The following GUCY2F variants were observed in gnomAD, a reference collection of about 807,000 sequenced individuals.
GUCY2F encodes the protein guanylate cyclase 2F, retinal.
A neutral mutation model predicts 73.1 loss-of-function variants in GUCY2F; 61 were observed. The observed-to-expected ratio is 0.83, with a 90% CI of 0.68 to 1.03. The LOEUF (loss-of-function observed/expected upper bound fraction) is 1.03, where lower values mean the gene tolerates loss of function less well. Ranked by LOEUF, GUCY2F falls within the 50% of genes least tolerant of loss-of-function variation. The pLI is 0.00. For synonymous variants in GUCY2F, 331 were observed against 307.8 expected (o/e 1.08, Z -0.79); for missense variants, 912 against 854.3 (o/e 1.07, Z -0.84).
At chrX:109,392,220 A>C (rs188575605) in intron 13 of GUCY2F, 117 bp from the exon 14 acceptor site, 177 of 509,147 alleles carry the variant, frequency 3.5e-4, no homozygotes, top group Non-Finnish European at 5.5e-4. Flanking sequence ...ATGATGAGGA[A>C]GAAAGTGTTA....
At chrX:109,418,893 A>G (rs1452734262) in intron 8 of GUCY2F, among the ~76,000 whole-genome samples, 1 of 110,956 alleles carries the variant, frequency 9.0e-6, no homozygotes, top group African/African-American at 3.2e-5. Flanking sequence ...AATTATTAAT[A>G]TCTAGAATGA....
At chrX:109,388,185 T>G (rs1324511647) in intron 15 of GUCY2F, among the ~76,000 whole-genome samples, 1 of 111,469 alleles carries the variant, frequency 9.0e-6, no homozygotes, top group Non-Finnish European at 1.9e-5. Flanking sequence ...ATTAATTAAA[T>G]GAATTATCCT....
intron 15 of GUCY2F, 23 bp from the exon 16 acceptor site, chrX:109,385,305 A>T (rs376973515): frequency 4.7e-6 from 4 of 852,752 alleles, no homozygotes; most frequent in Non-Finnish European, 6.9e-6. Context: ...AGGGGGTTGG[A>T]ATTACAGTCA....
intron 8 of GUCY2F, among the ~76,000 whole-genome samples, chrX:109,420,939 T>C (rs758053686): frequency 1.8e-4 from 20 of 111,911 alleles, no homozygotes; most frequent in Admixed American, 6.6e-4. Context: ...TTTATTCTTA[T>C]GTATCTACTC....
chrX:109,465,608 C>T (rs1236099249), intron 2 of GUCY2F, among the ~76,000 whole-genome samples, 165 bp from the exon 3 acceptor site: 1 of 111,969 alleles, frequency 8.9e-6, no homozygotes, highest in Non-Finnish European at 1.9e-5. Flanking sequence ...GAGGTATGCT[C>T]ATGGACTCTG....
chrX:109,444,016 G>A (rs1206173614), intron 6 of GUCY2F, among the ~76,000 whole-genome samples: 2 of 111,635 alleles, frequency 1.8e-5, no homozygotes, highest in African/African-American at 3.3e-5. Flanking sequence ...CTTAAGGCAG[G>A]AAATTTTATA....
rs758229559 is a variant in GUCY2F, at chrX:109,404,461, T to C, written c.1992A>G (p.Arg664=). ...ACTTTAGCCTCCCATGAACAAACTC[T>C]CTGTGGTGTAAGTACTTCATGCCCT... ...LIKGMKYLHH[R]EFVHGRLKSR... The change falls in exon 10 of 20, where the codon AGA becomes AGG. Residue 664 remains arginine, a synonymous_variant. Transcript: ENST00000218006. 5.9e-6 allele frequency: 7 copies of C among 1,195,133 alleles called. No individual in the cohort carries two copies. The highest frequency in any genetic ancestry group is 2.2e-5 in the Admixed American group (1 of 45,795).
rs1445290011 is a variant in GUCY2F at position 109,420,378 on chromosome X, C to T, written c.1791+9929G>A. On this transcript the variant is annotated intron_variant, in intron 8 of 19. Coordinates refer to ENST00000218006, the MANE Select transcript of GUCY2F (RefSeq NM_001522.3). ...AAAGAAAGAGAGAGAGAGAGAAAGACAAAGAGAAAGAAAGTAGGAGGGACA... is the reference window on the plus strand; with the variant it reads ...AAAGAAAGAGAGAGAGAGAGAAAGATAAAGAGAAAGAAAGTAGGAGGGACA... Among the ~76,000 whole-genome samples the T allele has an allele frequency of 4.1e-5, 4 of 97,529 alleles. No individual in the cohort carries two copies. In the East Asian group the frequency reaches 1.3e-3, roughly 31 times the overall value. The allele number at this position is 97,529 out of a possible 115,157, so 84.7% of individuals were successfully genotyped here.
intron 10 of GUCY2F, among the ~76,000 whole-genome samples, chrX:109,403,843 T>A (rs1170077160): frequency 1.8e-5 from 2 of 112,421 alleles, no homozygotes; most frequent in East Asian, 5.6e-4. Flanking sequence ...AAGGCCACAG[T>A]TCTGCCTGAA....
intron 7 of GUCY2F, among the ~76,000 whole-genome samples, chrX:109,435,451 T>C (rs1389345122): frequency 3.7e-5 from 4 of 108,852 alleles, no homozygotes; most frequent in African/African-American, 1.4e-4. Context: ...TGTATAAGAA[T>C]GCTTGTGATT....
At chrX:109,382,559 C>T (rs1270283240) in intron 16 of GUCY2F, among the ~76,000 whole-genome samples, 1 of 112,552 alleles carries the variant, frequency 8.9e-6, no homozygotes. Context: ...AGCTTGACTT[C>T]AGCAGCTTCT....
In GUCY2F at chrX:109,392,963, A is replaced by G; in HGVS notation, c.2517T>C (p.Ile839=). 1 of 1,166,715 alleles carries G rather than the reference A, an allele frequency of 8.6e-7. No individual in the cohort carries two copies. The highest frequency in any genetic ancestry group is 2.2e-5 in the Admixed American group (1 of 45,945). ...TTTCCAGCTCTTCAGTCCGCTCCCG[A>G]ATCAAATCTTCCAAGTTGCTAGAAT... The part of the protein sequence containing the change: ...EQYSSNLEDL[I]RERTEELEIE... The change falls in exon 13 of 20, where the codon ATT becomes ATC. Residue 839 remains isoleucine (I), a synonymous_variant. Coordinates refer to ENST00000218006, the MANE Select transcript of GUCY2F (RefSeq NM_001522.3).
rs758625693 is a variant in GUCY2F, at chrX:109,424,769, C to CT, written c.1791+5537dup. Among the ~76,000 whole-genome samples, 742 of 101,177 alleles carry CT rather than the reference C, an allele frequency of 7.3e-3. 5 individuals carry two copies. The highest frequency in any genetic ancestry group is 0.019 in the African/African-American group (540 of 27,888). The allele number at this position is 101,177 out of a possible 115,157, so 87.9% of individuals were successfully genotyped here. A position where few individuals can be genotyped will look rare whatever the true frequency, so the allele number is the denominator to read the frequency against. On this transcript the variant is annotated intron_variant, in intron 8 of 19. Transcript: ENST00000218006. ...GTGTGGATGTAGTGAACAGGGAACACTTTTTTTTTTTTTTGAGATGGAGTT... is the reference window on the plus strand; with the variant it reads ...GTGTGGATGTAGTGAACAGGGAACACTTTTTTTTTTTTTTTGAGATGGAGTT...
At chrX:109,466,381 A>C (rs1932470192) in intron 2 of GUCY2F, among the ~76,000 whole-genome samples, 1 of 111,408 alleles carries the variant, frequency 9.0e-6, no homozygotes, top group South Asian at 3.8e-4. Flanking sequence ...GAGATGTCCA[A>C]CTTTTTAAAA....
At chrX:109,422,763 G>A (rs1295236254) in intron 8 of GUCY2F, among the ~76,000 whole-genome samples, 2 of 111,453 alleles carry the variant, frequency 1.8e-5, no homozygotes, top group East Asian at 5.6e-4. Flanking sequence ...GGTATTTCTA[G>A]GAGAAATTCT....
chrX:109,481,278 A>G lies in GUCY2F; in HGVS notation c.-86+588T>C, dbSNP rs767897513. Among the ~76,000 whole-genome samples the G allele has an allele frequency of 2.8e-4, 31 of 112,252 alleles. No homozygotes were observed. The East Asian group carries it at 6.2e-3, about 22-fold the overall frequency. On this transcript the variant is annotated intron_variant, in intron 1 of 19. Coordinates refer to ENST00000218006, the MANE Select transcript of GUCY2F (RefSeq NM_001522.3). ...GAAGGTATGAAATTTTGGAAATAGAATACTACTGGCCCACAGTTGTTCTGG... is the reference window on the plus strand; with the variant it reads ...GAAGGTATGAAATTTTGGAAATAGAGTACTACTGGCCCACAGTTGTTCTGG...
At chrX:109,471,900 G>A (rs898657272) in intron 2 of GUCY2F, among the ~76,000 whole-genome samples, 2 of 111,940 alleles carry the variant, frequency 1.8e-5, no homozygotes, top group Non-Finnish European at 3.8e-5. Context: ...AATGTAGAGA[G>A]CTGTTTACAC....
At chrX:109,432,035 A>G (rs1015602000) in intron 7 of GUCY2F, among the ~76,000 whole-genome samples, 2 of 111,701 alleles carry the variant, frequency 1.8e-5, no homozygotes, top group East Asian at 5.6e-4. Flanking sequence ...TAAATCTCCA[A>G]GTGTGGTCCC....
chrX:109,436,054 C>G (rs1931738152), intron 7 of GUCY2F, among the ~76,000 whole-genome samples: 1 of 111,196 alleles, frequency 9.0e-6, no homozygotes, highest in Admixed American at 9.6e-5. Flanking sequence ...GGGCTAATAT[C>G]CAGAATCTAC....
Sources: allele counts gnomAD v4.1 joint callset (sites outside exome capture counted in the v4.1 genomes callset), GRCh38; gene constraint gnomAD v4.1.1; transcripts MANE v1.5; gene names NCBI Gene and HGNC (gene_info 2026-07-23, HGNC 2026-07-21).